Variants in HCK observed in about 807,000 individuals in gnomAD.
The protein encoded by HCK is tyrosine-protein kinase HCK.
In HCK, 40 loss-of-function variants were observed where a neutral mutation model predicts 70.4. The ratio of observed to expected loss-of-function variants is 0.57; its 90% CI spans 0.44 to 0.74. The LOEUF is 0.74. Among genes scored for constraint, HCK ranks in the 30% least tolerant of loss-of-function variants. HCK has a pLI of 0.00. For synonymous variants in HCK, 245 were observed against 263.2 expected (o/e 0.93, Z 0.67); for missense variants, 568 against 697.2 (o/e 0.81, Z 2.09).
chr20:32,084,322 G>T lies in HCK; in HGVS notation c.683-69G>T. On this transcript the variant is annotated intron_variant, in intron 7 of 12. Transcript: ENST00000375852. ...GAGATCCAGTGGACCAGGTAGGGCG[G>T]CCTCCAAGGAGCAACCTCTGGCTGG... 4.0e-6 allele frequency: 6 copies of T among 1,495,540 alleles called. No individual in the cohort carries two copies. The South Asian group carries it at 5.1e-5, about 13-fold the overall frequency. The allele number at this position is 1,495,540 out of a possible 1,614,324, so 92.6% of individuals were successfully genotyped here.
chr20:32,056,542 CT>C (rs2045275704), intron 1 of HCK, among the ~76,000 whole-genome samples: 1 of 151,874 alleles, frequency 6.6e-6, no homozygotes, highest in East Asian at 1.9e-4. Context: ...GTAGTTCTAT[CT>C]TTAACTTTTT....
At chr20:32,072,857 G>A (rs561831849) in intron 2 of HCK, among the ~76,000 whole-genome samples, 4 of 152,248 alleles carry the variant, frequency 2.6e-5, no homozygotes, top group African/African-American at 9.6e-5. Flanking sequence ...GGGCACAGTG[G>A]CTCACTCCTG....
At chr20:32,071,941 A>T in intron 2 of HCK, 159 bp downstream of exon 2, 2 of 834,638 alleles carry the variant, frequency 2.4e-6, no homozygotes, top group Non-Finnish European at 3.6e-6. Context: ...TCCGGGACGC[A>T]GCGCCAGCCA....
chr20:32,084,417 C>A lies in HCK; in HGVS notation c.709C>A (p.Leu237Met), dbSNP rs1173429537. 1.9e-6 allele frequency: 3 copies of A among 1,613,836 alleles called. No individual in the cohort carries two copies. The African/African-American group carries it at 4.0e-5, about 22-fold the overall frequency. Residue 237 changes from leucine (L) to methionine (M), a missense_variant, in exon 8 of 13, where the codon CTG (leucine) becomes ATG (methionine). By Grantham distance (15) the Leu-to-Met change is conservative (BLOSUM62 2). Coordinates refer to ENST00000375852, the MANE Select transcript of HCK (RefSeq NM_002110.5). ...GGGGAACGACGGGCTCTGCCAGAAACTGTCGGTGCCCTGCATGTCTTCCAA... is the reference window on the plus strand; with the variant it reads ...GGGGAACGACGGGCTCTGCCAGAAAATGTCGGTGCCCTGCATGTCTTCCAA...
At chr20:32,062,467 ATAAG>A (rs1312245350) in intron 1 of HCK, among the ~76,000 whole-genome samples, 4 of 152,178 alleles carry the variant, frequency 2.6e-5, no homozygotes, top group Admixed American at 2.6e-4. Context: ...ATGTGGTTGA[ATAAG>A]TGTTTGGAAC....
chr20:32,075,478 T>C (rs570233416), intron 5 of HCK, among the ~76,000 whole-genome samples: 1 of 152,212 alleles, frequency 6.6e-6, no homozygotes, highest in South Asian at 2.1e-4. Flanking sequence ...GCTGGGATTA[T>C]AGGCCTGAAC....
At chr20:32,087,578 C>T (rs997499146) in intron 9 of HCK, among the ~76,000 whole-genome samples, 5 of 152,048 alleles carry the variant, frequency 3.3e-5, no homozygotes, top group African/African-American at 7.2e-5. Flanking sequence ...AGGATCCTCC[C>T]GACTTAGTCT....
intron 9 of HCK, among the ~76,000 whole-genome samples, chr20:32,087,292 C>A (rs2122590071): frequency 6.6e-6 from 1 of 150,858 alleles, no homozygotes; most frequent in East Asian, 2.0e-4. Context: ...CATTTTCAAC[C>A]CCTGCCATTT....
At chr20:32,075,016 C>T (rs2045601910) in intron 5 of HCK, among the ~76,000 whole-genome samples, 1 of 152,222 alleles carries the variant, frequency 6.6e-6, no homozygotes, top group African/African-American at 2.4e-5. Flanking sequence ...CATTCTCTGC[C>T]TGCCCTGCAA....
At chr20:32,054,361 G>A in intron 1 of HCK, 1 of 453,216 alleles carries the variant, frequency 2.2e-6, no homozygotes, top group South Asian at 1.6e-5. Context: ...TGTAATCCCA[G>A]CTACTCGGGA....
chr20:32,079,923 A>G (rs950005453), intron 6 of HCK, 46 bp downstream of exon 6: 47 of 1,388,270 alleles, frequency 3.4e-5, no homozygotes, highest in Non-Finnish European at 4.5e-5. Flanking sequence ...GAGGTGCCCC[A>G]GCTGGGGCTG....
chr20:32,056,228 C>T (rs937576802), intron 1 of HCK, among the ~76,000 whole-genome samples: 3 of 152,172 alleles, frequency 2.0e-5, no homozygotes, highest in African/African-American at 7.2e-5. Context: ...AGTTCTATCT[C>T]TGTGGCCGGG....
In HCK at chr20:32,084,380, C is replaced by G. The variant is rs761837983; in HGVS notation, c.683-11C>G. The G allele has an allele frequency of 2.5e-6, 4 of 1,608,310 alleles. No individual in the cohort carries two copies. The African/African-American group carries it at 5.4e-5, about 22-fold the overall frequency. ...CTTGTTGCTCTCAATTGACCAGGGACTCTGTTCCAGAGGGGAACGACGGGC... is the reference window on the plus strand; with the variant it reads ...CTTGTTGCTCTCAATTGACCAGGGAGTCTGTTCCAGAGGGGAACGACGGGC... On this transcript the variant is annotated splice_polypyrimidine_tract_variant and intron_variant, in intron 7 of 12. Coordinates refer to ENST00000375852, the MANE Select transcript of HCK (RefSeq NM_002110.5).
At chr20:32,084,235 C>A (rs537451507) in intron 7 of HCK, among the ~76,000 whole-genome samples, 156 bp from the exon 8 acceptor site, 5 of 152,148 alleles carry the variant, frequency 3.3e-5, no homozygotes, top group Non-Finnish European at 5.9e-5. Context: ...AGAGGTGGCA[C>A]CCCGTCACAC....
At chr20:32,072,906 GC>G (rs1253848929) in intron 2 of HCK, among the ~76,000 whole-genome samples, 3 of 152,104 alleles carry the variant, frequency 2.0e-5, no homozygotes, top group Admixed American at 6.6e-5. Context: ...TTCTAGACCA[GC>G]CGGGCCAACA....
chr20:32,076,508 G>A (rs1181448664), intron 5 of HCK, among the ~76,000 whole-genome samples: 1 of 152,160 alleles, frequency 6.6e-6, no homozygotes, highest in Non-Finnish European at 1.5e-5. Flanking sequence ...AACCATGGAG[G>A]AGGCGTGGCT....
chr20:32,098,566 T>C (rs1332097500), intron 11 of HCK, among the ~76,000 whole-genome samples: 1 of 152,036 alleles, frequency 6.6e-6, no homozygotes, highest in East Asian at 1.9e-4. Flanking sequence ...GAGAGACACA[T>C]AGTGACTGGT....
At chr20:32,070,976 A>AG (rs1210059990) in intron 1 of HCK, among the ~76,000 whole-genome samples, 1 of 88,638 alleles carries the variant, frequency 1.1e-5, no homozygotes, top group Non-Finnish European at 2.0e-5. Flanking sequence ...GGGAGCAGGA[A>AG]GGAAGGGAGG....
At chr20:32,058,048 T>C (rs2045299950) in intron 1 of HCK, among the ~76,000 whole-genome samples, 1 of 152,180 alleles carries the variant, frequency 6.6e-6, no homozygotes, top group African/African-American at 2.4e-5. Flanking sequence ...TGAAATCCTT[T>C]GGCCCAGGAG....
Sources: gnomAD v4.1 joint callset for allele counts (sites outside exome capture counted in the v4.1 genomes callset) on GRCh38, gnomAD v4.1.1 for gene constraint, MANE v1.5 for transcripts, NCBI Gene and HGNC (gene_info 2026-07-23, HGNC 2026-07-21) for gene names.